MRPL4: variants seen among roughly 807,000 people sequenced by gnomAD.
MRPL4 encodes mitochondrial ribosomal protein L4, also known as large ribosomal subunit protein uL4m.
A neutral mutation model predicts 34.1 loss-of-function variants in MRPL4; 34 were observed. That is an observed-to-expected ratio of 1.00 (90% CI 0.76 to 1.33). The LOEUF is 1.33. Ranked by LOEUF, MRPL4 falls within the 40% of genes most tolerant of loss-of-function variation. The pLI is 0.00. For missense variants in MRPL4, 402 were observed against 434.6 expected, an observed-to-expected ratio of 0.92 and a Z score of 0.67; for synonymous variants, 196 against 188.3, an observed-to-expected ratio of 1.04 and a Z score of -0.33.
At position 10,252,814 on chromosome 19, in the gene MRPL4, C is replaced by T. The variant is rs78061147; in HGVS notation, c.275+113C>T. The T allele has an allele frequency of 3.8e-4, 509 of 1,350,282 alleles. 2 individuals are homozygous for T. The African/African-American group carries it at 6.9e-3, about 18-fold the overall frequency. 83.6% of individuals were successfully genotyped at this position (1,350,282 alleles called of 1,614,324 possible). A position where few individuals can be genotyped will look rare whatever the true frequency, so the allele number is the denominator to read the frequency against. Reference sequence around the variant, plus strand: ...TGGGAAAGTGCTGTATTTCTACAGCCTCCGTTTCTCCACCTGTCAAAGGGG... The same window carrying T: ...TGGGAAAGTGCTGTATTTCTACAGCTTCCGTTTCTCCACCTGTCAAAGGGG... On this transcript the variant is annotated intron_variant, in intron 3 of 8. Transcript: ENST00000253099.
At position 10,252,228 on chromosome 19, in the gene MRPL4, C is replaced by G. The variant is rs774606317; in HGVS notation, c.-26C>G. On this transcript the variant is annotated 5_prime_UTR_variant, in exon 1 of 9. Coordinates refer to ENST00000253099, the MANE Select transcript of MRPL4 (RefSeq NM_015956.3). The stretch of plus-strand genomic sequence containing the variant: ...CGCGAGGCTCCAGTGGCCTTGACCT[C>G]CCGCGGCGTGGGAGGCTGCGCGGCG... 1 of 1,584,422 alleles carries G rather than the reference C, an allele frequency of 6.3e-7. No homozygotes were observed. Among genetic ancestry groups the G allele is most frequent in the South Asian group, 1.1e-5 (1 of 89,492 alleles).
chr19:10,253,835 C>T (rs761030718), intron 3 of MRPL4, among the ~76,000 whole-genome samples: 1 of 151,968 alleles, frequency 6.6e-6, no homozygotes, highest in South Asian at 2.1e-4. Flanking sequence ...TGTATTTAAC[C>T]TGTATTTAAA....
chr19:10,258,339 G>A lies in MRPL4; in HGVS notation c.552+11G>A. 2 of 1,613,464 alleles carry A rather than the reference G, an allele frequency of 1.2e-6. No individual in the cohort carries two copies. Among genetic ancestry groups the A allele is most frequent in the Non-Finnish European group, 1.7e-6 (2 of 1,179,684 alleles). On this transcript the variant is annotated intron_variant, in intron 6 of 8. Transcript: ENST00000253099. ...GTCAAGCTGGCCCAGGTACAGCCAT[G>A]GGGGGGCCCAGACAGCTGCTAGAGG...
chr19:10,252,180 C>T (rs1323156692), upstream of MRPL4: 2 of 1,469,780 alleles, frequency 1.4e-6, no homozygotes, highest in Non-Finnish European at 9.0e-7. Context: ...GCGTCGCGTG[C>T]GTGACGTCAT....
intron 3 of MRPL4, chr19:10,252,934 G>T (rs2039809375): frequency 3.5e-6 from 2 of 578,524 alleles, no homozygotes; most frequent in Non-Finnish European, 5.8e-6. Flanking sequence ...TCTGGAGCCC[G>T]ACTGATTAGG....
chr19:10,254,503 AG>A, intron 3 of MRPL4, 85 bp from the exon 4 acceptor site: 2 of 1,521,006 alleles, frequency 1.3e-6, no homozygotes, highest in Non-Finnish European at 1.8e-6. Flanking sequence ...CCCTGGAGGC[AG>A]AAGGGAGAAT....
At position 10,258,456 on chromosome 19, in the gene MRPL4, A is replaced by G. The variant is rs931741800; in HGVS notation, c.596A>G (p.Asp199Gly). 1 of 1,613,748 alleles carries G rather than the reference A, an allele frequency of 6.2e-7. No homozygotes were observed. Among genetic ancestry groups the G allele is most frequent in the Non-Finnish European group, 8.5e-7 (1 of 1,179,976 alleles). ...IMDSLELPTG[D>G]PQYLTELAHY... ...GACTCCCTAGAGCTGCCCACCGGAG[A>G]CCCACAGTACCTGACAGAGCTGGCG... The change falls in exon 7 of 9, where the codon GAC (aspartate) becomes GGC (glycine). Residue 199 changes from aspartate to glycine, a missense_variant. Transcript: ENST00000253099.
chr19:10,256,993 C>T (rs2039858880), intron 5 of MRPL4, among the ~76,000 whole-genome samples, 168 bp downstream of exon 5: 1 of 152,086 alleles, frequency 6.6e-6, no homozygotes, highest in Non-Finnish European at 1.5e-5. Flanking sequence ...GGCCCTTGGA[C>T]CTCACTACCC....
Position 10,260,005 on chromosome 19 carries a change from C to T in MRPL4, c.*192C>T, listed in dbSNP as rs201513864. 6.4e-6 allele frequency: 3 copies of T among 470,256 alleles called. No homozygotes were observed. In the East Asian group the frequency reaches 1.0e-4, roughly 16 times the overall value. The allele number at this position is 470,256 out of a possible 1,614,324, so 29.1% of individuals were successfully genotyped here. A position where few individuals can be genotyped will look rare whatever the true frequency, so the allele number is the denominator to read the frequency against. On this transcript the variant is annotated 3_prime_UTR_variant, in exon 9 of 9. Coordinates refer to ENST00000253099, the MANE Select transcript of MRPL4 (RefSeq NM_015956.3). ...GCCCAGACGGGCTTCTGCATCCATT[C>T]CCTCTTTTTGTTTTTAAAATAAATT...
intron 5 of MRPL4, 128 bp from the exon 6 acceptor site, chr19:10,258,094 C>T: frequency 1.5e-6 from 1 of 652,798 alleles, no homozygotes. Flanking sequence ...CCCCTGAGGC[C>T]CCACCCTCTC....
Position 10,258,302 on chromosome 19 carries a change from G to C in MRPL4, c.526G>C (p.Val176Leu), listed in dbSNP as rs2039870579. The C allele has an allele frequency of 6.2e-7, 1 of 1,614,130 alleles. No individual in the cohort carries two copies. The highest frequency in any genetic ancestry group is 1.3e-5 in the African/African-American group (1 of 75,042). ...PMKVRALGLKVALTVKLAQDD... is the reference protein window; with the variant it reads ...PMKVRALGLKLALTVKLAQDD... ...GAAGGTGCGGGCGCTGGGTCTCAAA[G>C]TGGCACTGACCGTCAAGCTGGCCCA... Residue 176 changes from valine to leucine, a missense_variant, in exon 6 of 9, where the codon GTG becomes CTG. Coordinates refer to ENST00000253099, the MANE Select transcript of MRPL4 (RefSeq NM_015956.3).
rs561410667 is a variant in MRPL4 at position 10,259,966 on chromosome 19, C to T, written c.*153C>T. 137 of 600,446 alleles carry T rather than the reference C, an allele frequency of 2.3e-4. 2 individuals carry two copies. In the South Asian group the frequency reaches 3.3e-3, roughly 15 times the overall value. The allele number at this position is 600,446 out of a possible 1,614,324, so 37.2% of individuals were successfully genotyped here. A position where few individuals can be genotyped will look rare whatever the true frequency, so the allele number is the denominator to read the frequency against. ...AGCGGCCATCGCCATTGGGAAGGGG[C>T]GACTCCACGGAAAGCCCAGACGGGC... On this transcript the variant is annotated 3_prime_UTR_variant, in exon 9 of 9. Transcript: ENST00000253099.
At position 10,256,839 on chromosome 19, in the gene MRPL4, GTGGAGGGGGCGGGGAGGGGT is replaced by G; in HGVS notation, c.445+15_445+34del. The G allele has an allele frequency of 6.9e-7, 1 of 1,440,332 alleles. No homozygotes were observed. The highest frequency in any genetic ancestry group is 9.3e-7 in the Non-Finnish European group (1 of 1,078,706). 89.2% of individuals were successfully genotyped at this position (1,440,332 alleles called of 1,614,324 possible). On this transcript the variant is annotated intron_variant, in intron 5 of 8. Coordinates refer to ENST00000253099, the MANE Select transcript of MRPL4 (RefSeq NM_015956.3). ...TCTGGCGAGGAGGTAACAGGACAGG[GTGGAGGGGGCGGGGAGGGGT>G]GGGGGGGCCAGGGAAGGGCCTGGGT...
chr19:10,259,022 T>C, intron 8 of MRPL4: 1 of 1,385,000 alleles, frequency 7.2e-7, no homozygotes, highest in Non-Finnish European at 9.3e-7. Flanking sequence ...TAGCTTGAGC[T>C]CAGGGGGCCA....
At chr19:10,258,350 G>GACA in intron 6 of MRPL4, 22 bp downstream of exon 6, 1 of 1,613,976 alleles carries the variant, frequency 6.2e-7, no homozygotes, top group South Asian at 1.1e-5. Flanking sequence ...GGGGGGCCCA[G>GACA]ACAGCTGCTA....
rs776069438 is a variant in MRPL4, at chr19:10,258,597, CCT to C, written c.663-7_663-6del. 1 of 1,614,186 alleles carries C rather than the reference CCT, an allele frequency of 6.2e-7. No individual in the cohort carries two copies. Among genetic ancestry groups the C allele is most frequent in the African/African-American group, 1.3e-5 (1 of 75,064 alleles). On this transcript the variant is annotated splice_polypyrimidine_tract_variant and intron_variant, in intron 7 of 8. Coordinates refer to ENST00000253099, the MANE Select transcript of MRPL4 (RefSeq NM_015956.3). ...TGAGGGTTCAACCCCCACTCCCTGG[CCT>C]CTCTTACAGAACACACGAGGAGATG...
At chr19:10,252,164 A>C, upstream of MRPL4, 1 of 1,403,256 alleles carries the variant, frequency 7.1e-7, no homozygotes. Flanking sequence ...CGCGGCGGGT[A>C]GGGCGGCGTC....
chr19:10,252,102 G>T (rs2039794404), upstream of MRPL4: 3 of 923,660 alleles, frequency 3.2e-6, no homozygotes, highest in East Asian at 2.8e-5. Flanking sequence ...GGCACGCCGG[G>T]TCGGACCCCC....
At chr19:10,253,764 C>G (rs1464713915) in intron 3 of MRPL4, among the ~76,000 whole-genome samples, 1 of 150,952 alleles carries the variant, frequency 6.6e-6, no homozygotes, top group Non-Finnish European at 1.5e-5. Flanking sequence ...TGCACTCCAG[C>G]CTGGGCGACA....
Sources: allele counts gnomAD v4.1 joint callset (sites outside exome capture counted in the v4.1 genomes callset), GRCh38; gene constraint gnomAD v4.1.1; transcripts MANE v1.5; gene names NCBI Gene and HGNC (gene_info 2026-07-23, HGNC 2026-07-21).